The following ITGBL1 variants were observed in gnomAD, a reference collection of about 807,000 sequenced individuals.
ITGBL1 encodes the protein integrin subunit beta like 1, also known as integrin beta-like protein 1.
ITGBL1 carries 51 observed loss-of-function variants against 68.5 expected under a neutral mutation model. The observed-to-expected ratio is 0.74, with a 90% CI of 0.59 to 0.94. The LOEUF is 0.94. ITGBL1 is among the 40% of genes least tolerant of loss of function. The pLI is 0.00. For missense variants in ITGBL1, 649 were observed against 647.4 expected (o/e 1.00, Z -0.03); for synonymous variants, 209 against 227.3 (o/e 0.92, Z 0.72).
At chr13:101,485,793 G>GAACAA (rs1414358828) in intron 2 of ITGBL1, among the ~76,000 whole-genome samples, 1 of 151,538 alleles carries the variant, frequency 6.6e-6, no homozygotes, top group South Asian at 2.1e-4. Flanking sequence ...CTCTGTCTCA[G>GAACAA]AACAAAACAA....
chr13:101,545,163 T>TG (rs1473409537), intron 2 of ITGBL1, among the ~76,000 whole-genome samples: 1 of 152,200 alleles, frequency 6.6e-6, no homozygotes, highest in African/African-American at 2.4e-5. Context: ...AGCTGTAGAC[T>TG]GGAGCTGTTC....
chr13:101,694,001 A>C (rs2033944026), intron 8 of ITGBL1, among the ~76,000 whole-genome samples: 1 of 152,146 alleles, frequency 6.6e-6, no homozygotes, highest in African/African-American at 2.4e-5. Context: ...CAGCCACCCT[A>C]AGAGATTGTT....
At chr13:101,598,016 G>A (rs943349878) in intron 6 of ITGBL1, 137 bp from the exon 7 acceptor site, 8 of 692,358 alleles carry the variant, frequency 1.2e-5, no homozygotes, top group African/African-American at 9.1e-5. Context: ...TGAGAAAAAT[G>A]TGCGTTTGCC....
intron 7 of ITGBL1, among the ~76,000 whole-genome samples, chr13:101,672,116 TACAA>T (rs1048276376): frequency 3.9e-5 from 6 of 152,250 alleles, no homozygotes; most frequent in African/African-American, 7.2e-5. Flanking sequence ...AAACTTATTT[TACAA>T]ACAAATTAAT....
At chr13:101,718,417 A>G (rs2034805095), downstream of ITGBL1, 1 of 152,156 alleles carries the variant, frequency 6.6e-6, no homozygotes, top group African/African-American at 2.4e-5. Flanking sequence ...GCAGGGCAAG[A>G]ACAAACTTAC....
chr13:101,620,267 A>G (rs747852147), intron 7 of ITGBL1, among the ~76,000 whole-genome samples: 2 of 152,168 alleles, frequency 1.3e-5, no homozygotes, highest in Non-Finnish European at 2.9e-5. Context: ...AATGAATTCA[A>G]AATCAAAAGT....
At chr13:101,678,804 T>C (rs2033569062) in intron 7 of ITGBL1, among the ~76,000 whole-genome samples, 1 of 151,540 alleles carries the variant, frequency 6.6e-6, no homozygotes, top group Non-Finnish European at 1.5e-5. Flanking sequence ...CCGGCCCACT[T>C]TTTAATGTTT....
chr13:101,708,996 G>T (rs1011466624), intron 9 of ITGBL1, among the ~76,000 whole-genome samples: 1 of 152,356 alleles, frequency 6.6e-6, no homozygotes, highest in East Asian at 1.9e-4. Context: ...TTCAAGCTGT[G>T]TTGGGACAAC....
intron 2 of ITGBL1, among the ~76,000 whole-genome samples, chr13:101,480,785 A>G (rs752865215): frequency 1.3e-5 from 2 of 152,062 alleles, no homozygotes; most frequent in African/African-American, 2.4e-5. Flanking sequence ...AAAGTGCTTT[A>G]TATGTGAGGA....
intron 7 of ITGBL1, among the ~76,000 whole-genome samples, chr13:101,671,432 T>TTTG (rs1436314556): frequency 2.8e-5 from 2 of 70,414 alleles, no homozygotes; most frequent in Non-Finnish European, 5.9e-5. Flanking sequence ...CTTTGTTTTT[T>TTTG]TTTTGTTTTT....
chr13:101,716,309 C>T lies in ITGBL1; in HGVS notation c.*655C>T, dbSNP rs1441890204. 1.3e-5 allele frequency: 2 copies of T among 152,132 alleles called. No individual in the cohort carries two copies. Among genetic ancestry groups the T allele is most frequent in the African/African-American group, 4.8e-5 (2 of 41,432 alleles). 9.4% of individuals were successfully genotyped at this position (152,132 alleles called of 1,614,324 possible). A position where few individuals can be genotyped will look rare whatever the true frequency, so the allele number is the denominator to read the frequency against. ...CAAGGGCAAAAACTGGTCATTAAGT[C>T]ATCTGACATTAAATCATTTAGCCAC... On this transcript the variant is annotated 3_prime_UTR_variant, in exon 11 of 11. Coordinates refer to ENST00000376180, the MANE Select transcript of ITGBL1 (RefSeq NM_004791.3).
chr13:101,598,277 G>C lies in ITGBL1; in HGVS notation c.993G>C (p.Ser331=). ...GCATCAGGAAGTGCCAGGGAAGCTC[G>C]GATCTGCCTTGCTCTGGGAGGGGTA... ...EESIRKCQGS[S]DLPCSGRGKC... is the part of the protein sequence containing the mutation. Residue 331 remains serine, a synonymous_variant, in exon 7 of 11, where the codon TCG becomes TCC. Transcript: ENST00000376180. The C allele has an allele frequency of 1.3e-5, 21 of 1,612,618 alleles. No individual in the cohort carries two copies. Among genetic ancestry groups the C allele is most frequent in the Non-Finnish European group, 1.8e-5 (21 of 1,179,440 alleles).
chr13:101,694,784 C>A (rs1172566951), intron 8 of ITGBL1, among the ~76,000 whole-genome samples: 2 of 152,144 alleles, frequency 1.3e-5, no homozygotes, highest in East Asian at 3.9e-4. Flanking sequence ...CAGTCTCTTC[C>A]ACTTTCATAT....
At position 101,486,346 on chromosome 13, in the gene ITGBL1, G is replaced by A. The variant is rs148981120; in HGVS notation, c.316+32246G>A. Among the ~76,000 whole-genome samples the A allele has an allele frequency of 5.9e-5, 9 of 152,242 alleles. No homozygotes were observed. The East Asian group carries it at 1.5e-3, about 26-fold the overall frequency. ...ACTTTGGGGACTTGGGAGAGGGAAG[G>A]GTGTGAGATGGGTGAGGGATAAAAG... On this transcript the variant is annotated intron_variant, in intron 2 of 10. Coordinates refer to ENST00000376180, the MANE Select transcript of ITGBL1 (RefSeq NM_004791.3).
At chr13:101,467,433 A>G (rs1452852190) in intron 2 of ITGBL1, among the ~76,000 whole-genome samples, 2 of 152,196 alleles carry the variant, frequency 1.3e-5, no homozygotes, top group Non-Finnish European at 2.9e-5. Flanking sequence ...TACGTGGGTA[A>G]ATTCTCAAGC....
At chr13:101,639,651 A>G (rs2032296555) in intron 7 of ITGBL1, among the ~76,000 whole-genome samples, 2 of 152,182 alleles carry the variant, frequency 1.3e-5, no homozygotes, top group Admixed American at 6.5e-5. Flanking sequence ...AATTTATTTT[A>G]GCATGGCTTT....
intron 2 of ITGBL1, among the ~76,000 whole-genome samples, chr13:101,521,681 C>T (rs1168756996): frequency 6.6e-6 from 1 of 152,050 alleles, no homozygotes; most frequent in African/African-American, 2.4e-5. Context: ...ATGGAGAAGG[C>T]CTTGTTCCCT....
chr13:101,669,016 T>A (rs1166880405), intron 7 of ITGBL1, among the ~76,000 whole-genome samples: 1 of 152,128 alleles, frequency 6.6e-6, no homozygotes. Flanking sequence ...CCTCCTAGGC[T>A]TTAACTAGAA....
chr13:101,481,002 ATGTGTGTGTGTGTGTG>A (rs71121195), intron 2 of ITGBL1, among the ~76,000 whole-genome samples: 1 of 143,232 alleles, frequency 7.0e-6, no homozygotes, highest in African/African-American at 2.6e-5. Context: ...GCCAAAAGAT[ATGTGTGTGTGTGTGTG>A]TGTGTGTGTG....
Sources: allele counts gnomAD v4.1 joint callset (sites outside exome capture counted in the v4.1 genomes callset), GRCh38; gene constraint gnomAD v4.1.1; transcripts MANE v1.5; gene names NCBI Gene and HGNC (gene_info 2026-07-23, HGNC 2026-07-21).